GRIP1: variants seen among roughly 807,000 people sequenced by gnomAD.
GRIP1 encodes the protein glutamate receptor-interacting protein 1.
GRIP1 carries 45 observed loss-of-function variants against 129.9 expected under a neutral mutation model. The ratio of observed to expected loss-of-function variants is 0.35; its 90% CI spans 0.27 to 0.44. The LOEUF is 0.44. Ranked by LOEUF, GRIP1 falls within the 20% of genes least tolerant of loss-of-function variation. GRIP1 has a pLI of 1.00. For missense variants in GRIP1, 1,196 were observed against 1,396.8 expected, an observed-to-expected ratio of 0.86 and a Z score of 2.29; for synonymous variants, 530 against 520.8, an observed-to-expected ratio of 1.02 and a Z score of -0.24.
chr12:66,797,159 C>T (rs550367893), intron 1 of GRIP1, among the ~76,000 whole-genome samples: 2 of 152,242 alleles, frequency 1.3e-5, no homozygotes, highest in South Asian at 4.1e-4. Flanking sequence ...CACCACTAGG[C>T]ATGTTTCCAT....
intron 1 of GRIP1, among the ~76,000 whole-genome samples, chr12:67,042,579 T>C (rs758935479): frequency 7.9e-5 from 12 of 152,204 alleles, no homozygotes; most frequent in African/African-American, 1.2e-4. Flanking sequence ...TGCTTATGTG[T>C]CCTAAATTTT....
At chr12:66,835,452 T>A (rs1424143885) in intron 1 of GRIP1, among the ~76,000 whole-genome samples, 1 of 152,190 alleles carries the variant, frequency 6.6e-6, no homozygotes, top group African/African-American at 2.4e-5. Flanking sequence ...ATTGTTTATA[T>A]CAATGAAATG....
chr12:66,822,269 C>T (rs564174972), intron 1 of GRIP1, among the ~76,000 whole-genome samples: 1 of 152,322 alleles, frequency 6.6e-6, no homozygotes, highest in African/African-American at 2.4e-5. Context: ...ACTTTCTCAG[C>T]ATACTTGTGA....
chr12:66,649,123 A>C (rs1002794187), intron 1 of GRIP1, among the ~76,000 whole-genome samples: 2 of 152,214 alleles, frequency 1.3e-5, no homozygotes, highest in African/African-American at 4.8e-5. Context: ...TATATTTCTT[A>C]ACTGTATATC....
intron 9 of GRIP1, among the ~76,000 whole-genome samples, chr12:66,460,402 G>A (rs752772440): frequency 9.8e-4 from 149 of 152,282 alleles, no homozygotes; most frequent in Admixed American, 1.3e-3. Context: ...GACCACAGTG[G>A]TTCCAGGTTG....
At position 66,996,427 on chromosome 12, in the gene GRIP1, C is replaced by G. The variant is rs186238234; in HGVS notation, c.58+72623G>C. 1.8e-4 allele frequency among the ~76,000 whole-genome samples: 27 copies of G among 152,002 alleles called. No individual in the cohort carries two copies. The Middle Eastern group carries it at 0.01, about 58-fold the overall frequency. ...AAAGAGGTTCTAGAGGTAGCCAACA[C>G]CTGAGCCAACACAGCAGAACTGAGA... On this transcript the variant is annotated intron_variant, in intron 1 of 1. Transcript: ENST00000643019.
At chr12:66,829,554 A>T (rs2039479416) in intron 1 of GRIP1, among the ~76,000 whole-genome samples, 1 of 152,150 alleles carries the variant, frequency 6.6e-6, no homozygotes, top group Non-Finnish European at 1.5e-5. Context: ...CTCCAATCAA[A>T]AACAGGAAAA....
intron 7 of GRIP1, among the ~76,000 whole-genome samples, chr12:66,508,313 AG>A (rs1310152076): frequency 6.6e-6 from 1 of 152,214 alleles, no homozygotes; most frequent in Non-Finnish European, 1.5e-5. Context: ...AGTGCCTTCT[AG>A]GTATGTGTGA....
chr12:67,022,426 TGC>T (rs1302132524), intron 1 of GRIP1, among the ~76,000 whole-genome samples: 2 of 152,198 alleles, frequency 1.3e-5, no homozygotes, highest in African/African-American at 2.4e-5. Context: ...TATGTACACA[TGC>T]TTTTATTTTC....
chr12:66,678,960 T>TGCAGCA lies in GRIP1; in HGVS notation c.-62_-57dup. The TGCAGCA allele has an allele frequency of 6.2e-7, 1 of 1,611,760 alleles. No homozygotes were observed. Among genetic ancestry groups the TGCAGCA allele is most frequent in the African/African-American group, 1.3e-5 (1 of 74,956 alleles). ...ACTCAAGGCTCTCTGCTCTGGTGGC[T>TGCAGCA]GCAGCAGCAGCAGCATATGAATTCC... On this transcript the variant is annotated 5_prime_UTR_variant, in exon 1 of 25. Coordinates refer to ENST00000359742, the MANE Select transcript of GRIP1 (RefSeq NM_001366722.1).
intron 1 of GRIP1, among the ~76,000 whole-genome samples, chr12:66,653,367 A>G (rs2032936103): frequency 3.3e-5 from 5 of 152,232 alleles, no homozygotes; most frequent in Non-Finnish European, 7.3e-5. Context: ...ATTTTTGCAG[A>G]ATATTCAGGC....
intron 23 of GRIP1, among the ~76,000 whole-genome samples, chr12:66,368,092 GAGGAAGAGAAGTGGT>G (rs2055258338): frequency 6.6e-6 from 1 of 152,178 alleles, no homozygotes; most frequent in South Asian, 2.1e-4. Context: ...CAAAGGTCTG[GAGGAAGAGAAGTGGT>G]AGGAAGGAAT....
At chr12:66,442,698 AT>A (rs79879524) in intron 13 of GRIP1, among the ~76,000 whole-genome samples, 4 of 150,138 alleles carry the variant, frequency 2.7e-5, no homozygotes, top group African/African-American at 1.0e-4. Flanking sequence ...TGCCAGGCTA[AT>A]TTAAAAAAAA....
chr12:66,958,886 A>G (rs184166437), intron 1 of GRIP1, among the ~76,000 whole-genome samples: 341 of 152,302 alleles, frequency 2.2e-3, no homozygotes, highest in African/African-American at 7.3e-3. Flanking sequence ...CCAGAGTCCC[A>G]TCCGCAGAGA....
At chr12:66,646,458 T>C (rs1285175948) in intron 1 of GRIP1, among the ~76,000 whole-genome samples, 1 of 152,184 alleles carries the variant, frequency 6.6e-6, no homozygotes, top group Non-Finnish European at 1.5e-5. Context: ...ACTCCGTCTC[T>C]ATGAAAAATA....
At chr12:66,941,605 C>T (rs1217845491) in intron 1 of GRIP1, among the ~76,000 whole-genome samples, 4 of 152,152 alleles carry the variant, frequency 2.6e-5, no homozygotes, top group Non-Finnish European at 2.9e-5. Context: ...GTGGCTTTAC[C>T]GTGAGGAGCT....
At chr12:66,683,708 A>T (rs2034672813), upstream of GRIP1, among the ~76,000 whole-genome samples, 3 of 152,212 alleles carry the variant, frequency 2.0e-5, no homozygotes, top group Non-Finnish European at 4.4e-5. Flanking sequence ...AACAGTGCCA[A>T]GGAAAGAAGG....
intron 1 of GRIP1, among the ~76,000 whole-genome samples, chr12:66,674,469 G>T (rs2034231306): frequency 6.6e-6 from 1 of 152,186 alleles, no homozygotes; most frequent in African/African-American, 2.4e-5. Flanking sequence ...CTTTAATTAA[G>T]ATTACACTTA....
At chr12:66,968,766 G>A (rs1409185188) in intron 1 of GRIP1, among the ~76,000 whole-genome samples, 3 of 140,626 alleles carry the variant, frequency 2.1e-5, no homozygotes, top group East Asian at 2.1e-4. Flanking sequence ...CTCAATTAAT[G>A]AGAAAAGCAA....
Sources: allele counts gnomAD v4.1 joint callset (sites outside exome capture counted in the v4.1 genomes callset), GRCh38; gene constraint gnomAD v4.1.1; transcripts MANE v1.5; gene names NCBI Gene and HGNC (gene_info 2026-07-23, HGNC 2026-07-21).